The following CRMP1 variants were observed in gnomAD, a reference collection of about 807,000 sequenced individuals.
The protein encoded by CRMP1 is collapsin response mediator protein 1, also known as dihydropyrimidinase-related protein 1.
A neutral mutation model predicts 68.3 loss-of-function variants in CRMP1; 19 were observed. The ratio of observed to expected loss-of-function variants is 0.28; its 90% confidence interval spans 0.19 to 0.41. The LOEUF is 0.41. CRMP1 is among the 10% of genes least tolerant of loss of function. CRMP1 has a pLI of 1.00. For synonymous variants in CRMP1, 439 were observed against 399.6 expected (o/e 1.10, Z -1.18); for missense variants, 791 against 967.4 (o/e 0.82, Z 2.42).
At chr4:5,874,319 A>G (rs1396296082) in intron 1 of CRMP1, among the ~76,000 whole-genome samples, 1 of 152,238 alleles carries the variant, frequency 6.6e-6, no homozygotes, top group East Asian at 1.9e-4. Flanking sequence ...AAATGTGAGG[A>G]GAAAAAGCAA....
intron 1 of CRMP1, chr4:5,887,458 C>A (rs1715669752): frequency 1.0e-6 from 1 of 985,544 alleles, no homozygotes; most frequent in Non-Finnish European, 1.2e-6. Flanking sequence ...GGAACTGGGG[C>A]GGAGGGCCAG....
rs59746322 is a variant in CRMP1, at chr4:5,884,482, G to GCACACACACACACA, written c.381+8106_381+8107insTGTGTGTGTGTGTG. ...GGCACTCACACACACAACTATGCAT[G>GCACACACACACACA]CACACACACACACGGGCAGTGGTTT... On this transcript the variant is annotated intron_variant, in intron 1 of 13. Coordinates refer to ENST00000324989, the MANE Select transcript of CRMP1 (RefSeq NM_001014809.3). Among the ~76,000 whole-genome samples, 343 of 150,194 alleles carry GCACACACACACACA rather than the reference G, an allele frequency of 2.3e-3. 2 individuals carry two copies. Among genetic ancestry groups the GCACACACACACACA allele is most frequent in the African/African-American group, 7.3e-3 (297 of 40,930 alleles).
rs1020504843 is a variant in CRMP1, at chr4:5,881,929, C to T, written c.381+10660G>A. Among the ~76,000 whole-genome samples, 1 of 152,144 alleles carries T rather than the reference C, an allele frequency of 6.6e-6. No individual in the cohort carries two copies. Among genetic ancestry groups the T allele is most frequent in the Non-Finnish European group, 1.5e-5 (1 of 68,026 alleles). On this transcript the variant is annotated intron_variant, in intron 1 of 13. Transcript: ENST00000324989. This position sits in a 1 kb window ranked among gnomAD's most constrained non-coding sequence, Gnocchi z 4.6. The stretch of plus-strand genomic sequence containing the variant: ...ATCTCTGTCCTTTGCCTCTCACCCT[C>T]ATTCCAATCTATTCCTTATTGTCCA...
chr4:5,862,309 A>T (rs910018279), intron 2 of CRMP1, among the ~76,000 whole-genome samples: 1 of 147,186 alleles, frequency 6.8e-6, no homozygotes, highest in African/African-American at 2.7e-5. Flanking sequence ...ATAATAACCA[A>T]TCCCTTACCC....
In CRMP1 at chr4:5,888,179, C is replaced by A. The variant is rs756446178; in HGVS notation, c.381+4410G>T. The A allele has an allele frequency of 6.4e-5, 79 of 1,242,634 alleles. No individual in the cohort carries two copies. The highest frequency in any genetic ancestry group is 7.5e-5 in the Non-Finnish European group (74 of 991,084). The allele number at this position is 1,242,634 out of a possible 1,614,324, so 77.0% of individuals were successfully genotyped here. On this transcript the variant is annotated intron_variant, in intron 1 of 13. Transcript: ENST00000324989. This position sits in a 1 kb window ranked among gnomAD's most constrained non-coding sequence, Gnocchi z 6.4. The stretch of plus-strand genomic sequence containing the variant: ...ATCTGGACCCTGCCGGGCGCCCACT[C>A]CCAGCCCACAAAGGCCAGCGCGGGG...
intron 5 of CRMP1, among the ~76,000 whole-genome samples, chr4:5,851,186 A>C (rs1239286640): frequency 1.3e-5 from 2 of 152,222 alleles, no homozygotes; most frequent in African/African-American, 4.8e-5. Context: ...GGGAGCCACC[A>C]AACCAGGGAA....
chr4:5,893,067 G>A lies in CRMP1; in HGVS notation c.-98C>T, dbSNP rs1051282304. On this transcript the variant is annotated 5_prime_UTR_variant, in exon 1 of 14. Coordinates refer to ENST00000324989, the MANE Select transcript of CRMP1 (RefSeq NM_001014809.3). Reference sequence around the variant, plus strand: ...GCTCCGCGCCTCGGTGCGGGCCTGCGGCGGCCCGGGCGCGACTGCGGCCCA... The same window carrying A: ...GCTCCGCGCCTCGGTGCGGGCCTGCAGCGGCCCGGGCGCGACTGCGGCCCA... 2 of 833,706 alleles carry A rather than the reference G, an allele frequency of 2.4e-6. No individual in the cohort carries two copies. The highest frequency in any genetic ancestry group is 5.9e-4 in the Middle Eastern group (1 of 1,694). 51.6% of individuals were successfully genotyped at this position (833,706 alleles called of 1,614,324 possible).
rs1714496161 is a variant in CRMP1, at chr4:5,872,092, CA to C, written c.382-5337del. 6.6e-6 allele frequency among the ~76,000 whole-genome samples: 1 copy of C among 152,142 alleles called. No homozygotes were observed. The highest frequency in any genetic ancestry group is 1.5e-5 in the Non-Finnish European group (1 of 68,014). On this transcript the variant is annotated intron_variant, in intron 1 of 13. Coordinates refer to ENST00000324989, the MANE Select transcript of CRMP1 (RefSeq NM_001014809.3). This position sits in a 1 kb window ranked among gnomAD's most constrained non-coding sequence, Gnocchi z 4.6. ...CTTCTGTCCCATGTTTAAACATTCC[CA>C]AACTCTAGAATCCATGACACCTCAT... is the stretch of plus-strand genomic sequence containing the variant.
At chr4:5,874,789 G>C (rs938517395) in intron 1 of CRMP1, among the ~76,000 whole-genome samples, 2 of 152,136 alleles carry the variant, frequency 1.3e-5, no homozygotes, top group African/African-American at 4.8e-5. Context: ...GAAACAAAGG[G>C]AGAAAAGAAT....
In CRMP1 at chr4:5,865,683, T is replaced by C. The variant is rs867440447; in HGVS notation, c.470+985A>G. Among the ~76,000 whole-genome samples, 1 of 151,626 alleles carries C rather than the reference T, an allele frequency of 6.6e-6. No individual in the cohort carries two copies. The highest frequency in any genetic ancestry group is 1.5e-5 in the Non-Finnish European group (1 of 67,992). Reference sequence around the variant, plus strand: ...CCCTGCCTGGCGTTATGGACTGAATTGTATCTCCCAAAATTCATGTTGAAG... The same window carrying C: ...CCCTGCCTGGCGTTATGGACTGAATCGTATCTCCCAAAATTCATGTTGAAG... On this transcript the variant is annotated intron_variant, in intron 2 of 13. Transcript: ENST00000324989. This position sits in a 1 kb window ranked among gnomAD's most constrained non-coding sequence, Gnocchi z 4.1.
rs1248367098 is a variant in CRMP1 at position 5,850,942 on chromosome 4, T to C, written c.882+466A>G. 6.6e-6 allele frequency among the ~76,000 whole-genome samples: 1 copy of C among 152,176 alleles called. No homozygotes were observed. Among genetic ancestry groups the C allele is most frequent in the Non-Finnish European group, 1.5e-5 (1 of 68,020 alleles). On this transcript the variant is annotated intron_variant, in intron 5 of 13. Coordinates refer to ENST00000324989, the MANE Select transcript of CRMP1 (RefSeq NM_001014809.3). The surrounding 1 kb of genome is among the most constrained non-coding windows in gnomAD (Gnocchi z 4.4). The stretch of plus-strand genomic sequence containing the variant: ...GGCCAGAAATGTTCCATCTTACAAA[T>C]GTGAGGAGATGACTTGCCCAGCATG...
rs879486083 is a variant in CRMP1, at chr4:5,825,924, T to A, written c.1804-265A>T. 18,295 of 500,700 alleles carry A rather than the reference T, an allele frequency of 0.037. 430 individuals are homozygous for A. Among genetic ancestry groups the A allele is most frequent in the African/African-American group, 0.056 (2,771 of 49,332 alleles). The allele number at this position is 500,700 out of a possible 1,614,324, so 31.0% of individuals were successfully genotyped here. ...AGACGCACACACCACGCACACGCAC[T>A]CACATACATGCAGTCATGCACACAT... On this transcript the variant is annotated intron_variant, in intron 12 of 13. Coordinates refer to ENST00000324989, the MANE Select transcript of CRMP1 (RefSeq NM_001014809.3). This position sits in a 1 kb window ranked among gnomAD's most constrained non-coding sequence, Gnocchi z 4.4.
Position 5,836,858 on chromosome 4 carries a change from G to C in CRMP1, c.1359C>G (p.Ala453=), listed in dbSNP as rs778302109. Residue 453 remains alanine (A), a synonymous_variant, in exon 10 of 14, where the codon GCC becomes GCG. Coordinates refer to ENST00000324989, the MANE Select transcript of CRMP1 (RefSeq NM_001014809.3). ...TGSGHCPYST[A]QKAVGKDNFT... is the part of the protein sequence containing the mutation. The stretch of plus-strand genomic sequence containing the variant: ...AGTTGTCCTTGCCCACCGCCTTCTG[G>C]GCAGTGCTGTAGGGACAGTGGCCGC... 2.6e-5 allele frequency: 42 copies of C among 1,614,004 alleles called. No homozygotes were observed. Among genetic ancestry groups the C allele is most frequent in the Admixed American group, 3.3e-5 (2 of 60,004 alleles).
rs13130241 is a variant in CRMP1 at position 5,861,340 on chromosome 4, G to C, written c.471-130C>G. 1 of 894,784 alleles carries C rather than the reference G, an allele frequency of 1.1e-6. No homozygotes were observed. The highest frequency in any genetic ancestry group is 1.7e-5 in the African/African-American group (1 of 60,048). The allele number at this position is 894,784 out of a possible 1,614,324, so 55.4% of individuals were successfully genotyped here. The stretch of plus-strand genomic sequence containing the variant: ...CTTCACAAGGCCCTGGGGAGACAGA[G>C]ATAACTCAGGCAGGGCACATGCCCT... On this transcript the variant is annotated intron_variant, in intron 2 of 13. Transcript: ENST00000324989. The surrounding 1 kb of genome is among the most constrained non-coding windows in gnomAD (Gnocchi z 6.0).
chr4:5,837,920 A>C (rs903384070), intron 9 of CRMP1, among the ~76,000 whole-genome samples: 2 of 152,038 alleles, frequency 1.3e-5, no homozygotes, highest in African/African-American at 4.8e-5. Flanking sequence ...AGAAAGAGAG[A>C]GCTTCTGCAT....
Position 5,872,846 on chromosome 4 carries a change from A to G in CRMP1, c.382-6090T>C, listed in dbSNP as rs1714555104. Among the ~76,000 whole-genome samples the G allele has an allele frequency of 1.3e-5, 2 of 152,226 alleles. No homozygotes were observed. Among genetic ancestry groups the G allele is most frequent in the South Asian group, 4.1e-4 (2 of 4,836 alleles). ...TTAGAGCAAATCATGTTCTTGTGTC[A>G]GCACCACTTAAAAGCAAAACGTCCA... On this transcript the variant is annotated intron_variant, in intron 1 of 13. Transcript: ENST00000324989. The surrounding 1 kb of genome is among the most constrained non-coding windows in gnomAD (Gnocchi z 4.6).
rs745500762 is a variant in CRMP1 at position 5,892,890 on chromosome 4, G to T, written c.80C>A (p.Thr27Asn). Reference protein sequence around the residue: ...YLARPGSAAQTPRQKYGGMFA... With the variant: ...YLARPGSAAQNPRQKYGGMFA... ...CATGCCGCCGTACTTCTGGCGCGGGGTCTGCGCCGCGCTGCCCGGCCGCGC... is the reference window on the plus strand; with the variant it reads ...CATGCCGCCGTACTTCTGGCGCGGGTTCTGCGCCGCGCTGCCCGGCCGCGC... Residue 27 changes from threonine to asparagine, a missense_variant, in exon 1 of 14, where the codon ACC (threonine) becomes AAC (asparagine). Thr to Asn is a moderately conservative substitution (Grantham distance 65, BLOSUM62 0). This residue lies in a region of CRMP1 where 193 missense variants were observed against 186.3 expected (regional missense o/e 1.04). Transcript: ENST00000324989. The surrounding 1 kb of genome is among the most constrained non-coding windows in gnomAD (Gnocchi z 8.6). 31 of 1,402,062 alleles carry T rather than the reference G, an allele frequency of 2.2e-5. 1 individual carries two copies. The South Asian group carries it at 3.1e-4, about 14-fold the overall frequency. 86.9% of individuals were successfully genotyped at this position (1,402,062 alleles called of 1,614,324 possible).
At position 5,890,184 on chromosome 4, in the gene CRMP1, C is replaced by A. The variant is rs773593325; in HGVS notation, c.381+2405G>T. The A allele has an allele frequency of 3.7e-4, 62 of 167,102 alleles. No homozygotes were observed. In the Middle Eastern group the frequency reaches 9.5e-3, roughly 26 times the overall value. 10.4% of individuals were successfully genotyped at this position (167,102 alleles called of 1,614,324 possible). ...TGGAGTTGTTAAGTCCTAGGTTCCC[C>A]GTACCAGGGCGTTCCCTGGGGTCAG... On this transcript the variant is annotated intron_variant, in intron 1 of 13. Coordinates refer to ENST00000324989, the MANE Select transcript of CRMP1 (RefSeq NM_001014809.3). The surrounding 1 kb of genome is among the most constrained non-coding windows in gnomAD (Gnocchi z 5.5).
At chr4:5,880,408 A>T (rs1479465486) in intron 1 of CRMP1, among the ~76,000 whole-genome samples, 1 of 152,192 alleles carries the variant, frequency 6.6e-6, no homozygotes, top group Non-Finnish European at 1.5e-5. Context: ...ATACATGGCA[A>T]CATAATTTGG....
Sources: gnomAD v4.1 joint callset for allele counts (sites outside exome capture counted in the v4.1 genomes callset) on GRCh38, gnomAD v4.1.1 for gene constraint, gnomAD v4.1.1 regional missense constraint, Gnocchi (gnomAD v3.1) non-coding constraint, MANE v1.5 for transcripts, NCBI Gene and HGNC (gene_info 2026-07-23, HGNC 2026-07-21) for gene names.